PRIMA1: variants seen among roughly 807,000 people sequenced by gnomAD.
PRIMA1 encodes the protein proline-rich membrane anchor 1.
In PRIMA1, 7 loss-of-function variants were observed where a neutral mutation model predicts 17.5. The observed-to-expected ratio is 0.40, with a 90% confidence interval of 0.23 to 0.75. The LOEUF (loss-of-function observed/expected upper bound fraction) is 0.75, where lower values mean the gene tolerates loss of function less well. Ranked by LOEUF, PRIMA1 falls within the 30% of genes least tolerant of loss-of-function variation. The probability of loss-of-function intolerance (pLI) is 0.37; values close to 1 mark genes in which losing one functional copy is unlikely to be tolerated. For missense variants in PRIMA1, 200 were observed against 201.8 expected (o/e 0.99, Z 0.05); for synonymous variants, 97 against 77.9 (o/e 1.25, Z -1.29).
At chr14:93,770,357 T>C (rs1439347557) in intron 3 of PRIMA1, among the ~76,000 whole-genome samples, 2 of 152,214 alleles carry the variant, frequency 1.3e-5, no homozygotes, top group Non-Finnish European at 2.9e-5. Context: ...ACTCCTTCTC[T>C]AGCCTCCACG....
In PRIMA1 at chr14:93,767,644, G is replaced by A. The variant is rs541127504; in HGVS notation, c.229+11532C>T. Among the ~76,000 whole-genome samples, 3 of 152,292 alleles carry A rather than the reference G, an allele frequency of 2.0e-5. No individual in the cohort carries two copies. In the East Asian group the frequency reaches 5.8e-4, roughly 29 times the overall value. On this transcript the variant is annotated intron_variant, in intron 3 of 4. Transcript: ENST00000393140. Reference sequence around the variant, plus strand: ...CCGGAGCTAGCCCTTGAGCCCAAAGGTGGAGACTTTTAGCCAGGATCACAC... The same window carrying A: ...CCGGAGCTAGCCCTTGAGCCCAAAGATGGAGACTTTTAGCCAGGATCACAC...
At chr14:93,750,524 G>C (rs1208421917) in intron 3 of PRIMA1, among the ~76,000 whole-genome samples, 2 of 152,178 alleles carry the variant, frequency 1.3e-5, no homozygotes, top group Admixed American at 6.5e-5. Context: ...GGTTGACACT[G>C]ATCTGAAGGC....
At chr14:93,753,209 C>T (rs1233529224) in intron 3 of PRIMA1, among the ~76,000 whole-genome samples, 1 of 152,204 alleles carries the variant, frequency 6.6e-6, no homozygotes, top group East Asian at 1.9e-4. Flanking sequence ...ACTGGATGGC[C>T]TTCCAGCTGG....
intron 3 of PRIMA1, among the ~76,000 whole-genome samples, chr14:93,776,017 C>T (rs886172174): frequency 1.3e-5 from 2 of 152,200 alleles, no homozygotes; most frequent in Non-Finnish European, 2.9e-5. Context: ...TTCCCTCGGA[C>T]TACTGGGAAA....
chr14:93,779,902 C>G (rs150430720), intron 2 of PRIMA1, among the ~76,000 whole-genome samples: 4 of 152,226 alleles, frequency 2.6e-5, no homozygotes, highest in Non-Finnish European at 5.9e-5. Context: ...CTGCTTGATG[C>G]TCTCCACTCA....
At chr14:93,723,508 C>T (rs1048693723) in intron 4 of PRIMA1, among the ~76,000 whole-genome samples, 1 of 152,190 alleles carries the variant, frequency 6.6e-6, no homozygotes, top group Non-Finnish European at 1.5e-5. Flanking sequence ...ACACACTGAG[C>T]TCAGTCTGGT....
chr14:93,755,375 G>C (rs2076284619), intron 3 of PRIMA1, among the ~76,000 whole-genome samples: 1 of 152,138 alleles, frequency 6.6e-6, no homozygotes, highest in African/African-American at 2.4e-5. Flanking sequence ...GAGCTGAATG[G>C]ATGTACCACA....
In PRIMA1 at chr14:93,733,228, C is replaced by T. The variant is rs186375477; in HGVS notation, c.359+4013G>A. Among the ~76,000 whole-genome samples, 53 of 152,346 alleles carry T rather than the reference C, an allele frequency of 3.5e-4. 2 individuals are homozygous for T. The East Asian group carries it at 9.3e-3, about 27-fold the overall frequency. ...ATGTACCTCTTTAAGAAACCTCCCA[C>T]CCCACCTGGCTACCAGGTCTGGGCA... On this transcript the variant is annotated intron_variant, in intron 4 of 4. Transcript: ENST00000393140.
At chr14:93,731,246 C>T (rs6575351) in intron 4 of PRIMA1, among the ~76,000 whole-genome samples, 46,405 of 151,858 alleles carry the variant, frequency 0.31, 7,500 homozygotes, top group Middle Eastern at 0.44. Context: ...TGCAAGGGTG[C>T]TGGCCTTGGT....
chr14:93,732,785 G>A (rs542437799), intron 4 of PRIMA1, among the ~76,000 whole-genome samples: 1 of 150,840 alleles, frequency 6.6e-6, no homozygotes, highest in South Asian at 2.1e-4. Context: ...GCCACAGAGG[G>A]AAGCGATACC....
At chr14:93,727,439 T>C (rs1407993890) in intron 4 of PRIMA1, among the ~76,000 whole-genome samples, 1 of 152,150 alleles carries the variant, frequency 6.6e-6, no homozygotes, top group Admixed American at 6.5e-5. Flanking sequence ...ACCTCCAAGC[T>C]AGCTCAGGCC....
intron 4 of PRIMA1, among the ~76,000 whole-genome samples, chr14:93,725,256 G>A (rs945871546): frequency 4.2e-4 from 64 of 152,128 alleles, no homozygotes; most frequent in Admixed American, 1.3e-3. Context: ...AGGAGCATTC[G>A]GGAGCCCGCG....
chr14:93,732,188 C>G (rs955793822), intron 4 of PRIMA1, among the ~76,000 whole-genome samples: 1 of 152,242 alleles, frequency 6.6e-6, no homozygotes, highest in African/African-American at 2.4e-5. Flanking sequence ...CCTGTGCCAG[C>G]ATGGGCGTGT....
intron 3 of PRIMA1, among the ~76,000 whole-genome samples, chr14:93,775,625 C>T (rs543719531): frequency 1.4e-4 from 22 of 152,266 alleles, no homozygotes; most frequent in African/African-American, 3.4e-4. Flanking sequence ...TGGATGTGGC[C>T]GTAGCTCTGA....
chr14:93,730,047 T>C (rs2076103842), intron 4 of PRIMA1, among the ~76,000 whole-genome samples: 1 of 152,178 alleles, frequency 6.6e-6, no homozygotes, highest in African/African-American at 2.4e-5. Context: ...AAAATGAGTT[T>C]ACTGCAATTC....
intron 3 of PRIMA1, among the ~76,000 whole-genome samples, chr14:93,766,193 T>A (rs1884889412): frequency 6.6e-6 from 1 of 152,046 alleles, no homozygotes; most frequent in African/African-American, 2.4e-5. Flanking sequence ...CTCCTCATGG[T>A]TCAACGAAAT....
intron 3 of PRIMA1, among the ~76,000 whole-genome samples, chr14:93,760,091 A>C (rs1447440303): frequency 6.6e-6 from 1 of 152,240 alleles, no homozygotes; most frequent in Non-Finnish European, 1.5e-5. Context: ...GCAGACGGAG[A>C]GGCAGCATAA....
intron 3 of PRIMA1, among the ~76,000 whole-genome samples, chr14:93,769,621 G>A (rs1595219163): frequency 1.3e-5 from 2 of 152,208 alleles, no homozygotes; most frequent in Non-Finnish European, 2.9e-5. Flanking sequence ...TTCATAAGGA[G>A]CCTGTCGCCT....
chr14:93,729,257 C>T (rs1028205531), intron 4 of PRIMA1, among the ~76,000 whole-genome samples: 9 of 152,244 alleles, frequency 5.9e-5, no homozygotes, highest in Non-Finnish European at 8.8e-5. Context: ...CACTTGCCCT[C>T]AGGAGGCCCT....
Sources: gnomAD v4.1 joint callset for allele counts (sites outside exome capture counted in the v4.1 genomes callset) on GRCh38, gnomAD v4.1.1 for gene constraint, MANE v1.5 for transcripts, NCBI Gene and HGNC (gene_info 2026-07-23, HGNC 2026-07-21) for gene names.